The following CLTCL1 variants were observed in gnomAD, a reference collection of about 807,000 sequenced individuals.
The protein encoded by CLTCL1 is clathrin heavy chain 2.
CLTCL1 carries 159 observed loss-of-function variants against 190.0 expected under a neutral mutation model. That is an observed-to-expected ratio of 0.84 (90% CI 0.74 to 0.95). CLTCL1 has a LOEUF of 0.95. Among genes scored for constraint, CLTCL1 ranks in the 40% least tolerant of loss-of-function variants. The probability of loss-of-function intolerance (pLI) is 0.00; values close to 1 mark genes in which losing one functional copy is unlikely to be tolerated. For missense variants in CLTCL1, 1,878 were observed against 2,033.4 expected (o/e 0.92, Z 1.47); for synonymous variants, 752 against 769.6 (o/e 0.98, Z 0.38).
At chr22:19,273,689 T>C (rs1274262895) in intron 2 of CLTCL1, among the ~76,000 whole-genome samples, 2 of 152,102 alleles carry the variant, frequency 1.3e-5, no homozygotes, top group African/African-American at 2.4e-5. Context: ...ACTCTAGTCT[T>C]CCCTCCCTAA....
chr22:19,235,031 C>CT (rs1180647008), intron 6 of CLTCL1, among the ~76,000 whole-genome samples: 4 of 152,128 alleles, frequency 2.6e-5, no homozygotes, highest in Non-Finnish European at 5.9e-5. Flanking sequence ...GAGTTTCTTT[C>CT]TTTTTTAAAA....
chr22:19,201,297 C>T (rs782483252), intron 23 of CLTCL1, 32 bp downstream of exon 23: 2 of 1,586,228 alleles, frequency 1.3e-6, no homozygotes, highest in East Asian at 2.3e-5. Flanking sequence ...CTGTCCAGCA[C>T]ACTCTGCCGT....
intron 6 of CLTCL1, 117 bp from the exon 7 acceptor site, chr22:19,234,823 C>A: frequency 1.1e-6 from 1 of 913,022 alleles, no homozygotes; most frequent in Admixed American, 2.2e-5. Flanking sequence ...GTGTTGAGCA[C>A]ACCTGTGATG....
At chr22:19,272,037 A>G (rs1432311342) in intron 2 of CLTCL1, among the ~76,000 whole-genome samples, 1 of 152,214 alleles carries the variant, frequency 6.6e-6, no homozygotes, top group Non-Finnish European at 1.5e-5. Flanking sequence ...TGAGCCCAGG[A>G]GTTCAAGGCT....
At chr22:19,252,527 C>T (rs1295686327) in intron 3 of CLTCL1, among the ~76,000 whole-genome samples, 1 of 152,194 alleles carries the variant, frequency 6.6e-6, no homozygotes, top group Non-Finnish European at 1.5e-5. Context: ...TTAAGCTGCT[C>T]TCTCATGGCT....
intron 26 of CLTCL1, 94 bp from the exon 27 acceptor site, chr22:19,191,529 G>T: frequency 4.0e-6 from 6 of 1,490,222 alleles, no homozygotes; most frequent in Non-Finnish European, 4.6e-6. Context: ...CTTTACTACT[G>T]AGGCCTGCCA....
At chr22:19,240,769 G>A (rs1245994458) in intron 4 of CLTCL1, among the ~76,000 whole-genome samples, 7 of 152,208 alleles carry the variant, frequency 4.6e-5, no homozygotes, top group Admixed American at 2.0e-4. Flanking sequence ...AGACAGTGAC[G>A]AGAGAATAGA....
At chr22:19,190,505 G>T (rs914531196) in intron 27 of CLTCL1, among the ~76,000 whole-genome samples, 1 of 151,568 alleles carries the variant, frequency 6.6e-6, no homozygotes, top group Non-Finnish European at 1.5e-5. Flanking sequence ...AGGCCAAGGC[G>T]GGAAGATTGC....
intron 29 of CLTCL1, chr22:19,183,871 C>T (rs1238821014): frequency 1.4e-5 from 7 of 513,516 alleles, no homozygotes; most frequent in African/African-American, 3.8e-5. Flanking sequence ...ACTCTAGCCC[C>T]GAGGGCAGAG....
chr22:19,219,879 C>A lies in CLTCL1; in HGVS notation c.2919+6G>T. On this transcript the variant is annotated splice_donor_region_variant and intron_variant, in intron 18 of 32. Transcript: ENST00000427926. The stretch of plus-strand genomic sequence containing the variant: ...GTGTGCAGACATACCCATCTCTGTG[C>A]CTCACCTGGTCAATTAGCTGTCTCC... 2 of 1,614,048 alleles carry A rather than the reference C, an allele frequency of 1.2e-6. No individual in the cohort carries two copies. Among genetic ancestry groups the A allele is most frequent in the Non-Finnish European group, 1.7e-6 (2 of 1,179,896 alleles).
rs2084109775 is a variant in CLTCL1, at chr22:19,180,799, T to C, written c.4835A>G (p.Lys1612Arg). The C allele has an allele frequency of 1.2e-6, 2 of 1,613,766 alleles. No homozygotes were observed. Among genetic ancestry groups the C allele is most frequent in the Admixed American group, 3.3e-5 (2 of 60,024 alleles). ...VMREYLSKVD[K>R]LDALESLRKQ... Reference sequence around the variant, plus strand: ...GCGCAGACTCTCCAAGGCATCCAGTTTGTCCACCTGCAAGGAGGCAAAAGC... The same window carrying C: ...GCGCAGACTCTCCAAGGCATCCAGTCTGTCCACCTGCAAGGAGGCAAAAGC... The change falls in exon 31 of 33, where the codon AAA becomes AGA. Residue 1612 changes from lysine (K) to arginine (R), a missense_variant. By Grantham distance (26) the Lys-to-Arg change is conservative. Coordinates refer to ENST00000427926, the MANE Select transcript of CLTCL1 (RefSeq NM_007098.4).
At chr22:19,191,206 G>A in intron 27 of CLTCL1, 98 bp downstream of exon 27, 1 of 1,442,520 alleles carries the variant, frequency 6.9e-7, no homozygotes, top group African/African-American at 1.4e-5. Flanking sequence ...GTCAGCTGGG[G>A]GTCATTTCAA....
intron 4 of CLTCL1, among the ~76,000 whole-genome samples, chr22:19,241,159 C>T (rs1555965222): frequency 2.6e-5 from 4 of 152,238 alleles, no homozygotes; most frequent in Admixed American, 6.5e-5. Context: ...ATCTCCAGCT[C>T]GGCTGGAGGG....
chr22:19,187,773 C>A, intron 28 of CLTCL1, 45 bp from the exon 29 acceptor site: 1 of 1,591,986 alleles, frequency 6.3e-7, no homozygotes, highest in Non-Finnish European at 8.6e-7. Flanking sequence ...CTGACATGGG[C>A]TGCCTACACA....
intron 3 of CLTCL1, among the ~76,000 whole-genome samples, chr22:19,251,534 G>A (rs146558652): frequency 9.8e-5 from 15 of 152,318 alleles, no homozygotes; most frequent in East Asian, 3.9e-4. Context: ...CTCGGTCACT[G>A]CAAGCTCCGC....
chr22:19,224,294 A>G (rs1408744313), intron 13 of CLTCL1, among the ~76,000 whole-genome samples: 1 of 152,216 alleles, frequency 6.6e-6, no homozygotes, highest in Non-Finnish European at 1.5e-5. Flanking sequence ...GATATTTGGT[A>G]CAAGTGAAAT....
chr22:19,227,351 C>T (rs374769909), intron 11 of CLTCL1, among the ~76,000 whole-genome samples: 3 of 148,212 alleles, frequency 2.0e-5, no homozygotes, highest in Admixed American at 6.8e-5. Flanking sequence ...GGTGCAATCT[C>T]GGCTCACTGC....
chr22:19,218,887 C>T (rs914738466), intron 18 of CLTCL1, among the ~76,000 whole-genome samples: 8 of 152,182 alleles, frequency 5.3e-5, no homozygotes, highest in African/African-American at 1.9e-4. Context: ...TGGATAGTCA[C>T]AGGGGCATAA....
intron 19 of CLTCL1, among the ~76,000 whole-genome samples, chr22:19,210,884 G>A (rs1654613625): frequency 6.6e-6 from 1 of 152,066 alleles, no homozygotes; most frequent in South Asian, 2.1e-4. Context: ...AATATAGGCA[G>A]CTTTGCATTT....
Sources: gnomAD v4.1 joint callset for allele counts (sites outside exome capture counted in the v4.1 genomes callset) on GRCh38, gnomAD v4.1.1 for gene constraint, MANE v1.5 for transcripts, NCBI Gene and HGNC (gene_info 2026-07-23, HGNC 2026-07-21) for gene names.